MDGA2: variants seen among roughly 807,000 people sequenced by gnomAD.
MDGA2 encodes the protein MAM domain-containing glycosylphosphatidylinositol anchor protein 2.
In MDGA2, 40 loss-of-function variants were observed where a neutral mutation model predicts 117.8. The ratio of observed to expected loss-of-function variants is 0.34; its 90% CI spans 0.26 to 0.44. MDGA2 has a LOEUF of 0.44. MDGA2 is among the 20% of genes least tolerant of loss of function. The pLI is 1.00. For missense variants in MDGA2, 1,123 were observed against 1,250.6 expected, an observed-to-expected ratio of 0.90 and a Z score of 1.54; for synonymous variants, 452 against 439.0, an observed-to-expected ratio of 1.03 and a Z score of -0.37.
intron 3 of MDGA2, among the ~76,000 whole-genome samples, chr14:47,155,888 C>CTTCTTTTTTTTTTTTTT (rs1883357530): frequency 2.5e-5 from 1 of 40,166 alleles, no homozygotes; most frequent in Non-Finnish European, 4.3e-5. Context: ...TCTTCTTCTT[C>CTTCTTTTTTTTTTTTTT]TTTTTTTTTT....
At chr14:47,399,779 A>T (rs185139697) in intron 1 of MDGA2, among the ~76,000 whole-genome samples, 1 of 152,190 alleles carries the variant, frequency 6.6e-6, no homozygotes, top group Non-Finnish European at 1.5e-5. Flanking sequence ...AAAATGCTGT[A>T]TAACAATGCA....
intron 4 of MDGA2, among the ~76,000 whole-genome samples, chr14:47,139,629 G>T (rs925870955): frequency 6.6e-6 from 1 of 151,112 alleles, no homozygotes. Context: ...AAATATTATT[G>T]AAGTGCTCCA....
rs149817759 is a variant in MDGA2, at chr14:47,198,429, G to A, written c.595+19592C>T. ...CTACTAAAAATACAAAAAATTAACC[G>A]GGCTTGGTGGCAGGCACCTGTAGTC... On this transcript the variant is annotated intron_variant, in intron 3 of 16. Transcript: ENST00000399232. Among the ~76,000 whole-genome samples the A allele has an allele frequency of 4.2e-3, 635 of 152,156 alleles. 5 individuals carry two copies. The highest frequency in any genetic ancestry group is 8.8e-3 in the Admixed American group (134 of 15,272).
intron 11 of MDGA2, among the ~76,000 whole-genome samples, chr14:46,879,300 C>A (rs993138423): frequency 6.6e-6 from 1 of 152,004 alleles, no homozygotes; most frequent in Non-Finnish European, 1.5e-5. Flanking sequence ...GCTAACTATG[C>A]CAGTGCTTTG....
chr14:47,052,180 G>A (rs529953185), intron 7 of MDGA2, among the ~76,000 whole-genome samples: 4 of 151,828 alleles, frequency 2.6e-5, no homozygotes, highest in African/African-American at 9.6e-5. Flanking sequence ...ATATCCAGTC[G>A]TTTAAAATTC....
At chr14:47,601,704 T>G (rs80059413) in intron 1 of MDGA2, among the ~76,000 whole-genome samples, 2,196 of 152,220 alleles carry the variant, frequency 0.014, 50 homozygotes, top group East Asian at 0.12. Flanking sequence ...GGTAAAAGAT[T>G]TTTTCATTCC....
At chr14:47,492,754 A>C (rs2138656966) in intron 1 of MDGA2, among the ~76,000 whole-genome samples, 1 of 152,220 alleles carries the variant, frequency 6.6e-6, no homozygotes, top group South Asian at 2.1e-4. Context: ...AGGAACATAC[A>C]AGAAATTTTT....
At chr14:47,059,053 G>T (rs984389220) in intron 7 of MDGA2, 3 of 1,011,984 alleles carry the variant, frequency 3.0e-6, no homozygotes, top group Non-Finnish European at 3.5e-6. Context: ...ATAACTTTAA[G>T]TCAGTAGGGA....
chr14:47,349,882 G>C (rs571945630), intron 1 of MDGA2, among the ~76,000 whole-genome samples: 1 of 152,288 alleles, frequency 6.6e-6, no homozygotes, highest in South Asian at 2.1e-4. Flanking sequence ...TCCTTTGCCT[G>C]CTGCCTTCCA....
chr14:47,382,717 A>T (rs1891664400), intron 1 of MDGA2, among the ~76,000 whole-genome samples: 1 of 152,190 alleles, frequency 6.6e-6, no homozygotes, highest in South Asian at 2.1e-4. Context: ...GGTGCTGGAG[A>T]GGATGTGGAG....
At chr14:47,432,909 G>A (rs919339396) in intron 1 of MDGA2, among the ~76,000 whole-genome samples, 7 of 151,862 alleles carry the variant, frequency 4.6e-5, no homozygotes, top group African/African-American at 1.5e-4. Flanking sequence ...CAGAACCCAG[G>A]CATTAATATA....
chr14:47,321,788 T>A (rs539320211), intron 1 of MDGA2, among the ~76,000 whole-genome samples: 9 of 152,338 alleles, frequency 5.9e-5, no homozygotes, highest in African/African-American at 1.7e-4. Flanking sequence ...TAAATTTCCA[T>A]AAACTTTTTG....
intron 8 of MDGA2, among the ~76,000 whole-genome samples, chr14:46,986,634 G>A (rs1005087623): frequency 2.0e-5 from 3 of 152,088 alleles, no homozygotes; most frequent in African/African-American, 7.2e-5. Context: ...AATGTCTTAA[G>A]GAAATTAGTT....
intron 1 of MDGA2, among the ~76,000 whole-genome samples, chr14:47,625,929 C>T (rs964876054): frequency 9.9e-5 from 15 of 152,174 alleles, no homozygotes; most frequent in African/African-American, 3.6e-4. Context: ...TATCTTTATA[C>T]AGCTAATTAT....
rs369897903 is a variant in MDGA2 at position 47,113,981 on chromosome 14, A to G, written c.926-16858T>C. ...GAAGTCAAACTGTATCTATTTGCAG[A>G]TGACACGATCCTACATCTAGAAAAC... is the stretch of plus-strand genomic sequence containing the variant. On this transcript the variant is annotated intron_variant, in intron 5 of 16. Coordinates refer to ENST00000399232, the MANE Select transcript of MDGA2 (RefSeq NM_001113498.3). 3.5e-4 allele frequency among the ~76,000 whole-genome samples: 53 copies of G among 152,274 alleles called. No homozygotes were observed. The East Asian group carries it at 5.0e-3, about 14-fold the overall frequency.
chr14:47,276,762 A>G (rs950749653), intron 2 of MDGA2, among the ~76,000 whole-genome samples: 1 of 152,182 alleles, frequency 6.6e-6, no homozygotes, highest in Non-Finnish European at 1.5e-5. Flanking sequence ...CTTGGTCTGA[A>G]GTACACATCT....
chr14:47,157,160 T>G (rs1883421594), intron 3 of MDGA2, among the ~76,000 whole-genome samples: 1 of 152,180 alleles, frequency 6.6e-6, no homozygotes, highest in Non-Finnish European at 1.5e-5. Context: ...TGACAGGAAA[T>G]GTTTCATATC....
At chr14:47,542,445 C>T (rs982677893) in intron 1 of MDGA2, among the ~76,000 whole-genome samples, 12 of 152,082 alleles carry the variant, frequency 7.9e-5, no homozygotes, top group African/African-American at 2.9e-4. Context: ...TTGTAAAAAC[C>T]TCTGAGAAGC....
At position 46,882,208 on chromosome 14, in the gene MDGA2, C is replaced by T. The variant is rs757441454; in HGVS notation, c.2252G>A (p.Arg751His). 1.2e-5 allele frequency: 19 copies of T among 1,608,624 alleles called. No individual in the cohort carries two copies. The highest frequency in any genetic ancestry group is 1.7e-5 in the Admixed American group (1 of 59,618). Residue 751 changes from arginine to histidine, a missense_variant, in exon 11 of 17, where the codon CGC becomes CAC. Physicochemically the swap from Arg to His is conservative, Grantham distance 29 (BLOSUM62 0). Coordinates refer to ENST00000399232, the MANE Select transcript of MDGA2 (RefSeq NM_001113498.3). The stretch of plus-strand genomic sequence containing the variant: ...TATTTTAATCTCCTGCTCCCACCAG[C>T]GCTGCTGTCCAGCCTGAAATCAAAA... ...RLGIRQAGQQ[R>H]WWEQEIKING...
Sources: allele counts gnomAD v4.1 joint callset (sites outside exome capture counted in the v4.1 genomes callset), GRCh38; gene constraint gnomAD v4.1.1; transcripts MANE v1.5; gene names NCBI Gene and HGNC (gene_info 2026-07-23, HGNC 2026-07-21).